The following GABRR1 variants were observed in gnomAD, a reference collection of about 807,000 sequenced individuals.
GABRR1 encodes the protein gamma-aminobutyric acid type A receptor subunit rho1.
In GABRR1, 59 loss-of-function variants were observed where a neutral mutation model predicts 55.5. That is an observed-to-expected ratio of 1.06 (90% CI 0.86 to 1.32). The LOEUF (loss-of-function observed/expected upper bound fraction) is 1.32. GABRR1 is among the 40% of genes most tolerant of loss of function. GABRR1 has a pLI of 0.00. For synonymous variants in GABRR1, 213 were observed against 226.0 expected (o/e 0.94, Z 0.51); for missense variants, 602 against 619.1 (o/e 0.97, Z 0.29).
At chr6:89,182,307 T>C (rs1771754983) in intron 7 of GABRR1, among the ~76,000 whole-genome samples, 1 of 152,160 alleles carries the variant, frequency 6.6e-6, no homozygotes, top group South Asian at 2.1e-4. Context: ...CCATTTAAAC[T>C]TTTTTCTTTT....
At chr6:89,203,272 C>T (rs1243141878) in intron 2 of GABRR1, among the ~76,000 whole-genome samples, 163 bp downstream of exon 2, 1 of 152,176 alleles carries the variant, frequency 6.6e-6, no homozygotes, top group Non-Finnish European at 1.5e-5. Flanking sequence ...ACCCCGCCAC[C>T]CCTGACTGCC....
chr6:89,225,859 G>A (rs574427917), intron 1 of GABRR1, among the ~76,000 whole-genome samples: 3,408 of 137,092 alleles, frequency 0.025, 222 homozygotes, highest in African/African-American at 0.094. Flanking sequence ...CACAATGGTT[G>A]AACTAGTTTA....
chr6:89,197,322 C>A (rs1772328420), intron 5 of GABRR1, among the ~76,000 whole-genome samples: 1 of 152,216 alleles, frequency 6.6e-6, no homozygotes, highest in African/African-American at 2.4e-5. Context: ...GAGGAGCAGA[C>A]CACAGCAAGT....
At chr6:89,189,571 T>G (rs1772021296) in intron 6 of GABRR1, among the ~76,000 whole-genome samples, 2 of 136,568 alleles carry the variant, frequency 1.5e-5, no homozygotes, top group Non-Finnish European at 1.6e-5. Context: ...AGATGATGAG[T>G]TAGTGGGTGC....
intron 5 of GABRR1, among the ~76,000 whole-genome samples, chr6:89,194,366 G>A (rs1772195712): frequency 6.6e-6 from 1 of 152,166 alleles, no homozygotes; most frequent in South Asian, 2.1e-4. Context: ...GTGCCACCTG[G>A]AGCTGAAAAG....
Position 89,190,182 on chromosome 6 carries a change from G to T in GABRR1, c.638C>A (p.Ser213Tyr). The T allele has an allele frequency of 6.2e-7, 1 of 1,610,198 alleles. No individual in the cohort carries two copies. The highest frequency in any genetic ancestry group is 8.5e-7 in the Non-Finnish European group (1 of 1,178,138). Residue 213 changes from serine to tyrosine, a missense_variant, in exon 6 of 10, where the codon TCT becomes TAT. Ser to Tyr is a moderately radical substitution (Grantham distance 144). Transcript: ENST00000454853. ...SRFPLDTQTC[S>Y]LEIESYAYTE... is the part of the protein sequence containing the mutation. Reference sequence around the variant, plus strand: ...CTACTCACAGCTTTCAATTTCAAGAGAGCACGTTTGTGTGTCCAAGGGAAA... The same window carrying T: ...CTACTCACAGCTTTCAATTTCAAGATAGCACGTTTGTGTGTCCAAGGGAAA...
chr6:89,210,578 G>T (rs1772804352), intron 1 of GABRR1, among the ~76,000 whole-genome samples: 4 of 152,138 alleles, frequency 2.6e-5, no homozygotes, highest in African/African-American at 7.2e-5. Context: ...GCACTTCAAG[G>T]GGAGGAGCAG....
chr6:89,227,202 C>G (rs1303411612), intron 1 of GABRR1, among the ~76,000 whole-genome samples: 1 of 93,130 alleles, frequency 1.1e-5, no homozygotes, highest in African/African-American at 4.5e-5. Context: ...ACAATCATGT[C>G]GTCTGCAAAC....
At chr6:89,200,441 G>T (rs1356182309) in intron 3 of GABRR1, among the ~76,000 whole-genome samples, 1 of 151,928 alleles carries the variant, frequency 6.6e-6, no homozygotes, top group African/African-American at 2.4e-5. Flanking sequence ...TAGAGACAGA[G>T]TTTTACCATG....
intron 1 of GABRR1, among the ~76,000 whole-genome samples, chr6:89,213,336 A>G (rs1310435562): frequency 6.6e-6 from 1 of 152,238 alleles, no homozygotes; most frequent in Admixed American, 6.5e-5. Context: ...TCTGGATGAA[A>G]TTAAGTAAGC....
chr6:89,179,222 T>C (rs1562279124), intron 9 of GABRR1, among the ~76,000 whole-genome samples, 159 bp from the exon 10 acceptor site: 3 of 151,816 alleles, frequency 2.0e-5, no homozygotes, highest in Non-Finnish European at 4.4e-5. Flanking sequence ...TTTTTGTTTT[T>C]TTTTTGGGGG....
intron 6 of GABRR1, among the ~76,000 whole-genome samples, chr6:89,187,127 G>A (rs1485075270): frequency 3.9e-5 from 6 of 152,120 alleles, no homozygotes; most frequent in African/African-American, 9.7e-5. Context: ...AGAATGGAGC[G>A]GACATGTAGA....
intron 1 of GABRR1, chr6:89,205,607 A>T (rs75691355): frequency 6.6e-6 from 1 of 152,348 alleles, no homozygotes; most frequent in African/African-American, 2.4e-5. Context: ...ATGTTTTCCC[A>T]AAAGAGGTGT....
intron 1 of GABRR1, among the ~76,000 whole-genome samples, chr6:89,207,478 A>C (rs1448513309): frequency 2.6e-5 from 4 of 152,318 alleles, no homozygotes; most frequent in Admixed American, 2.6e-4. Context: ...TACAAGTGTG[A>C]GCCACCACAC....
chr6:89,223,502 A>G (rs952349402), intron 1 of GABRR1, among the ~76,000 whole-genome samples: 2 of 152,198 alleles, frequency 1.3e-5, no homozygotes, highest in Admixed American at 1.3e-4. Flanking sequence ...TTGTGCTGCT[A>G]TAAACATGCG....
intron 1 of GABRR1, among the ~76,000 whole-genome samples, chr6:89,224,273 G>T (rs186369071): frequency 0.021 from 3,119 of 150,960 alleles, 40 homozygotes; most frequent in Non-Finnish European, 0.035. Flanking sequence ...TGTACTTTTA[G>T]TAGAGACAGG....
At chr6:89,215,005 C>CA (rs1434080890) in intron 1 of GABRR1, among the ~76,000 whole-genome samples, 1 of 151,948 alleles carries the variant, frequency 6.6e-6, no homozygotes, top group Non-Finnish European at 1.5e-5. Context: ...AACAAACGAA[C>CA]AAAAAACAAA....
In GABRR1 at chr6:89,179,057, A is replaced by C; in HGVS notation, c.1153T>G (p.Cys385Gly). Reference protein sequence around the residue: ...KEQKLREKLPCTSGLPPPRTA... With the variant: ...KEQKLREKLPGTSGLPPPRTA... ...CGGGGCGGAGGTAATCCGCTGGTGC[A>C]GGGAAGCTGCAAACAGTAAACACAT... Residue 385 changes from cysteine (C) to glycine (G), a missense_variant, in exon 10 of 10, where the codon TGC (cysteine) becomes GGC (glycine). Physicochemically the swap from Cys to Gly is radical, Grantham distance 159. Around this residue, in one of 3 missense-constraint regions of GABRR1, gnomAD observed 139 missense variants for 141.1 expected, o/e 0.99. Transcript: ENST00000454853. The C allele has an allele frequency of 6.2e-7, 1 of 1,613,314 alleles. No homozygotes were observed. The highest frequency in any genetic ancestry group is 1.1e-5 in the South Asian group (1 of 91,082).
chr6:89,218,164 A>G (rs541170025), upstream of GABRR1, among the ~76,000 whole-genome samples: 16 of 152,320 alleles, frequency 1.1e-4, no homozygotes, highest in African/African-American at 3.8e-4. Flanking sequence ...AAGAGACCGC[A>G]TTAGGTACTC....
Sources: gnomAD v4.1 joint callset for allele counts (sites outside exome capture counted in the v4.1 genomes callset) on GRCh38, gnomAD v4.1.1 for gene constraint, gnomAD v4.1.1 regional missense constraint, MANE v1.5 for transcripts, NCBI Gene and HGNC (gene_info 2026-07-23, HGNC 2026-07-21) for gene names.